The following DMD variants were observed in gnomAD, a reference collection of about 807,000 sequenced individuals.
DMD encodes the protein dystrophin, also known as mutant dystrophin.
In DMD, 63 loss-of-function variants were observed where a neutral mutation model predicts 330.1. The ratio of observed to expected loss-of-function variants is 0.19; its 90% CI spans 0.16 to 0.24. The LOEUF (loss-of-function observed/expected upper bound fraction) is 0.24. DMD is among the 10% of genes least tolerant of loss of function. DMD has a pLI of 1.00. For synonymous variants in DMD, 1,223 were observed against 959.8 expected, an observed-to-expected ratio of 1.27 and a Z score of -5.07; for missense variants, 3,344 against 2,684.1, an observed-to-expected ratio of 1.25 and a Z score of -5.43.
At chrX:31,562,499 A>T (rs1473181923) in intron 55 of DMD, among the ~76,000 whole-genome samples, 1 of 112,153 alleles carries the variant, frequency 8.9e-6, no homozygotes, top group East Asian at 2.8e-4. Flanking sequence ...TTAGATAGAC[A>T]TGGTGTCTTA....
At chrX:32,224,371 A>G (rs1290828956) in intron 43 of DMD, among the ~76,000 whole-genome samples, 1 of 110,168 alleles carries the variant, frequency 9.1e-6, no homozygotes, top group East Asian at 2.8e-4. Context: ...GTCACCTGGG[A>G]TTTTATTTTT....
intron 53 of DMD, among the ~76,000 whole-genome samples, chrX:31,667,483 T>C (rs935636112): frequency 9.1e-6 from 1 of 110,264 alleles, no homozygotes; most frequent in African/African-American, 3.3e-5. Flanking sequence ...TAGCTTCATG[T>C]TTAATATTTC....
At chrX:32,920,804 A>C (rs1030974245) in intron 2 of DMD, among the ~76,000 whole-genome samples, 3 of 112,383 alleles carry the variant, frequency 2.7e-5, no homozygotes, top group Non-Finnish European at 1.9e-5. Flanking sequence ...AAATAACATA[A>C]TCACCCAATA....
At chrX:31,329,799 C>T (rs2148347082) in intron 61 of DMD, among the ~76,000 whole-genome samples, 1 of 107,815 alleles carries the variant, frequency 9.3e-6, no homozygotes, top group African/African-American at 3.4e-5. Context: ...GGTGAAACCC[C>T]ATCTCTACTA....
At chrX:33,122,168 G>C (rs1333153930) in intron 1 of DMD, among the ~76,000 whole-genome samples, 1 of 111,916 alleles carries the variant, frequency 8.9e-6, no homozygotes, top group Non-Finnish European at 1.9e-5. Context: ...GAGGTTGCAG[G>C]GAGCCGAGAT....
rs762717513 is a variant in DMD at position 32,280,051 on chromosome X, A to C, written c.6290+7478T>G. On this transcript the variant is annotated intron_variant, in intron 43 of 78. Coordinates refer to ENST00000357033, the MANE Select transcript of DMD (RefSeq NM_004006.3). ...ATATATATATACCCCACATATATAC[A>C]CTATGTATGTGTGTATATACATAGT... Among the ~76,000 whole-genome samples, 11 of 101,985 alleles carry C rather than the reference A, an allele frequency of 1.1e-4. No individual in the cohort carries two copies. In the South Asian group the frequency reaches 4.9e-3, roughly 45 times the overall value. The allele number at this position is 101,985 out of a possible 115,157, so 88.6% of individuals were successfully genotyped here.
intron 44 of DMD, among the ~76,000 whole-genome samples, chrX:31,973,300 A>T (rs1248141749): frequency 9.1e-6 from 1 of 110,291 alleles, no homozygotes; most frequent in Non-Finnish European, 1.9e-5. Flanking sequence ...GTATAGAAAA[A>T]AAAAAGAGTG....
In DMD at chrX:32,365,187, C is replaced by G. The variant is rs1060502645; in HGVS notation, c.4858G>C (p.Glu1620Gln). 2.5e-6 allele frequency: 3 copies of G among 1,210,478 alleles called. No individual in the cohort carries two copies. Among genetic ancestry groups the G allele is most frequent in the Non-Finnish European group, 3.4e-6 (3 of 894,818 alleles). The change falls in exon 35 of 79, where the codon GAG becomes CAG. Residue 1620 changes from glutamate to glutamine, a missense_variant. Transcript: ENST00000357033. ...AGGTGCACCTTCTGTTTCTCAATCT[C>G]TTTTTGAGTAGCCTGTGAAAAGGAG... The part of the protein sequence containing the change: ...EVAWGKATQK[E>Q]IEKQKVHLKS...
At chrX:31,160,518 T>C (rs1174072228) in intron 74 of DMD, among the ~76,000 whole-genome samples, 1 of 111,730 alleles carries the variant, frequency 9.0e-6, no homozygotes, top group Admixed American at 9.5e-5. Flanking sequence ...TTTTCAAAGT[T>C]TACTTCAGAC....
chrX:32,749,797 A>T (rs909609972), intron 7 of DMD, among the ~76,000 whole-genome samples: 1 of 112,520 alleles, frequency 8.9e-6, no homozygotes, highest in African/African-American at 3.2e-5. Context: ...CAACAAAAAA[A>T]TGACACACAA....
At chrX:32,991,463 G>A (rs984844188) in intron 2 of DMD, among the ~76,000 whole-genome samples, 1 of 111,793 alleles carries the variant, frequency 8.9e-6, no homozygotes, top group Admixed American at 9.6e-5. Context: ...TACATAACAC[G>A]ATGGCCACTA....
chrX:31,607,430 T>C (rs2148267514), intron 55 of DMD, among the ~76,000 whole-genome samples: 1 of 112,273 alleles, frequency 8.9e-6, no homozygotes, highest in Non-Finnish European at 1.9e-5. Context: ...TCCCAGAATT[T>C]TGAGCAATCA....
intron 60 of DMD, among the ~76,000 whole-genome samples, chrX:31,419,200 T>C (rs962759252): frequency 1.8e-4 from 19 of 105,035 alleles, no homozygotes; most frequent in African/African-American, 2.4e-4. Context: ...TGCCTTGGCC[T>C]CCCAAAGTGC....
chrX:33,224,762 G>A (rs2052253799), intron 1 of DMD, among the ~76,000 whole-genome samples: 1 of 111,156 alleles, frequency 9.0e-6, no homozygotes, highest in South Asian at 3.8e-4. Context: ...TTATTGTAAC[G>A]AATGTACCAC....
chrX:32,745,335 C>T (rs2069845480), intron 7 of DMD, among the ~76,000 whole-genome samples: 1 of 112,270 alleles, frequency 8.9e-6, no homozygotes, highest in Non-Finnish European at 1.9e-5. Flanking sequence ...ATCCAAGTTT[C>T]TGATCTTGTT....
intron 29 of DMD, among the ~76,000 whole-genome samples, chrX:32,427,794 G>A (rs1356126243): frequency 1.8e-5 from 2 of 110,964 alleles, no homozygotes; most frequent in Non-Finnish European, 3.8e-5. Flanking sequence ...TTTAATTTGT[G>A]ATTAAATTTC....
At chrX:33,333,132 A>AG (rs755442841) in intron 1 of DMD, among the ~76,000 whole-genome samples, 2 of 111,276 alleles carry the variant, frequency 1.8e-5, no homozygotes, top group African/African-American at 6.5e-5. Context: ...TTTCTTGAGT[A>AG]GCGAAAGGCA....
At chrX:31,794,718 C>CTT (rs373671829) in intron 50 of DMD, among the ~76,000 whole-genome samples, 1 of 99,489 alleles carries the variant, frequency 1.0e-5, no homozygotes. Flanking sequence ...GCTAGTTCCT[C>CTT]TTTTTTTTTT....
intron 12 of DMD, among the ~76,000 whole-genome samples, chrX:32,609,018 T>C (rs808518): frequency 0.024 from 2,608 of 110,882 alleles, 28 homozygotes; most frequent in South Asian, 0.081. Flanking sequence ...CTTCCAACTA[T>C]TGCATTTCTC....
Sources: gnomAD v4.1 joint callset for allele counts (sites outside exome capture counted in the v4.1 genomes callset) on GRCh38, gnomAD v4.1.1 for gene constraint, MANE v1.5 for transcripts, NCBI Gene and HGNC (gene_info 2026-07-23, HGNC 2026-07-21) for gene names.